The following ADCY5 variants were observed in gnomAD, a reference collection of about 807,000 sequenced individuals.
The protein encoded by ADCY5 is adenylate cyclase type 5.
ADCY5 carries 30 observed loss-of-function variants against 119.7 expected under a neutral mutation model. The ratio of observed to expected loss-of-function variants is 0.25; its 90% CI spans 0.19 to 0.34. The LOEUF (loss-of-function observed/expected upper bound fraction) is 0.34, where lower values mean the gene tolerates loss of function less well. Among genes scored for constraint, ADCY5 ranks in the 10% least tolerant of loss-of-function variants. ADCY5 has a pLI of 1.00. For synonymous variants in ADCY5, 753 were observed against 762.2 expected, an observed-to-expected ratio of 0.99 and a Z score of 0.20; for missense variants, 1,324 against 1,775.2, an observed-to-expected ratio of 0.75 and a Z score of 4.57.
intron 1 of ADCY5, among the ~76,000 whole-genome samples, chr3:123,397,678 G>GT (rs1944641604): frequency 6.6e-6 from 1 of 152,182 alleles, no homozygotes; most frequent in African/African-American, 2.4e-5. Context: ...CTAGTGTCTG[G>GT]TTTAAATCCC....
Position 123,327,663 on chromosome 3 carries a change from C to G in ADCY5, c.1902G>C (p.Glu634Asp), listed in dbSNP as rs61734561. Residue 634 changes from glutamate to aspartate, a missense_variant, in exon 7 of 21, where the codon GAG (glutamate) becomes GAC (aspartate). By Grantham distance (45) the Glu-to-Asp change is conservative (BLOSUM62 2). This residue lies in a region of ADCY5 where 424 missense variants were observed against 546.8 expected (regional missense o/e 0.78). Coordinates refer to ENST00000462833, the MANE Select transcript of ADCY5 (RefSeq NM_183357.3). ...CGGERNAYLK[E>D]HSIETFLILR... ...GGATGAGGAAGGTCTCGATACTGTG[C>G]TCCTTGAGGTAGGCGTTGCGCTCGC... is the stretch of plus-strand genomic sequence containing the variant. 6,728 of 1,614,118 alleles carry G rather than the reference C, an allele frequency of 4.2e-3. 38 individuals are homozygous for G. The highest frequency in any genetic ancestry group is 4.6e-3 in the Non-Finnish European group (5,390 of 1,180,004).
At position 123,447,731 on chromosome 3, in the gene ADCY5, G is replaced by A; in HGVS notation, c.815C>T (p.Ala272Val). 6.2e-7 allele frequency: 1 copy of A among 1,600,602 alleles called. No homozygotes were observed. The highest frequency in any genetic ancestry group is 1.3e-5 in the African/African-American group (1 of 74,692). The change falls in exon 1 of 21, where the codon GCC becomes GTC. Residue 272 changes from alanine (A) to valine (V), a missense_variant. This residue lies in a region of ADCY5 where 585 missense variants were observed against 569.9 expected (regional missense o/e 1.03). Transcript: ENST00000462833. ...CACGCCGACGGCGGCCGCCAGCACG[G>A]CCAGGTAGGGCAGCTGGAGCGGGGG... ...ARPPLQLPYL[A>V]VLAAAVGVIL... is the part of the protein sequence containing the mutation.
At chr3:123,348,311 G>A (rs1186766338) in intron 2 of ADCY5, among the ~76,000 whole-genome samples, 1 of 152,072 alleles carries the variant, frequency 6.6e-6, no homozygotes, top group Non-Finnish European at 1.5e-5. Flanking sequence ...TGGAGTTGTT[G>A]AGAGCATTAA....
chr3:123,399,649 C>T (rs993192024), intron 1 of ADCY5, among the ~76,000 whole-genome samples: 1 of 152,126 alleles, frequency 6.6e-6, no homozygotes, highest in African/African-American at 2.4e-5. Context: ...TTTTCTTTAA[C>T]CTTGATGTCT....
chr3:123,437,923 T>A (rs1011037626), intron 1 of ADCY5, among the ~76,000 whole-genome samples: 5 of 152,178 alleles, frequency 3.3e-5, no homozygotes, highest in African/African-American at 1.2e-4. Context: ...CATTCCCCAG[T>A]CCCTGCCAGC....
At position 123,441,903 on chromosome 3, in the gene ADCY5, G is replaced by T. The variant is rs148270050; in HGVS notation, c.1134+5509C>A. Among the ~76,000 whole-genome samples the T allele has an allele frequency of 8.9e-5, 13 of 146,262 alleles. No homozygotes were observed. In the East Asian group the frequency reaches 1.4e-3, roughly 16 times the overall value. On this transcript the variant is annotated intron_variant, in intron 1 of 20. Transcript: ENST00000462833. ...CATTAAGCTCACTGTCCGCTAACTA[G>T]AAACCCCCAGATTTTCTTCACAATG...
Position 123,352,564 on chromosome 3 carries a change from G to A in ADCY5, c.1152C>T (p.Leu384=), listed in dbSNP as rs1410563201. ...CCACGATGTTGGTGCAGGAGAAAAT[G>A]AGAACATTGGAGACAAGCTGCAGAG... ...FLLKQLVSNV[L]IFSCTNIVGV... Residue 384 remains leucine, a synonymous_variant, in exon 2 of 21, where the codon CTC becomes CTT. Transcript: ENST00000462833. This position sits in a 1 kb window ranked among gnomAD's most constrained non-coding sequence, Gnocchi z 4.8. 1.2e-6 allele frequency: 2 copies of A among 1,611,360 alleles called. No individual in the cohort carries two copies. Among genetic ancestry groups the A allele is most frequent in the East Asian group, 2.2e-5 (1 of 44,774 alleles).
chr3:123,315,700 C>T (rs1359525827), intron 11 of ADCY5, among the ~76,000 whole-genome samples: 1 of 152,104 alleles, frequency 6.6e-6, no homozygotes, highest in African/African-American at 2.4e-5. Context: ...CTCAGCTTCC[C>T]GAGTAGCTGG....
intron 12 of ADCY5, among the ~76,000 whole-genome samples, chr3:123,308,347 C>T (rs1033117473): frequency 4.6e-5 from 7 of 152,022 alleles, no homozygotes; most frequent in East Asian, 1.9e-4. Flanking sequence ...ACACTCTACA[C>T]TCTTTAAAAA....
intron 1 of ADCY5, among the ~76,000 whole-genome samples, chr3:123,373,470 C>G (rs1943704766): frequency 1.3e-5 from 2 of 152,200 alleles, no homozygotes; most frequent in Non-Finnish European, 2.9e-5. Flanking sequence ...CAAAACAGAA[C>G]TGGAAGGATG....
chr3:123,318,847 G>A (rs747309899), intron 10 of ADCY5, among the ~76,000 whole-genome samples: 1 of 152,096 alleles, frequency 6.6e-6, no homozygotes, highest in Non-Finnish European at 1.5e-5. Context: ...CTGGGGGGCC[G>A]AAAGCAGGTC....
chr3:123,342,707 C>T (rs1483420518), intron 3 of ADCY5, among the ~76,000 whole-genome samples: 2 of 151,226 alleles, frequency 1.3e-5, no homozygotes, highest in Admixed American at 6.6e-5. Flanking sequence ...CCAACACCTA[C>T]GACCTTTAAA....
chr3:123,350,309 G>A (rs574708975), intron 2 of ADCY5, among the ~76,000 whole-genome samples: 2 of 152,298 alleles, frequency 1.3e-5, no homozygotes, highest in East Asian at 3.9e-4. Context: ...ACAGCCCAGA[G>A]CCTTATGCTC....
intron 15 of ADCY5, among the ~76,000 whole-genome samples, chr3:123,298,126 A>AGTAGCTG (rs1939632655): frequency 6.6e-6 from 1 of 151,988 alleles, no homozygotes; most frequent in Admixed American, 6.6e-5. Context: ...CAGCCTCCCA[A>AGTAGCTG]GTAGCTGGGA....
At chr3:123,313,854 C>T (rs1940729382) in intron 12 of ADCY5, among the ~76,000 whole-genome samples, 1 of 152,312 alleles carries the variant, frequency 6.6e-6, no homozygotes, top group South Asian at 2.1e-4. Context: ...AAGCGGGTGT[C>T]GAGAGAGACC....
At chr3:123,297,200 A>T in intron 16 of ADCY5, 153 bp downstream of exon 16, 1 of 1,354,842 alleles carries the variant, frequency 7.4e-7, no homozygotes, top group Non-Finnish European at 1.0e-6. Flanking sequence ...ACGCCTTGCT[A>T]CCCCAGGAGG....
At chr3:123,442,740 A>G (rs1457556769) in intron 1 of ADCY5, among the ~76,000 whole-genome samples, 1 of 152,178 alleles carries the variant, frequency 6.6e-6, no homozygotes, top group Non-Finnish European at 1.5e-5. Context: ...CCCAGGGATC[A>G]AGGCACTCTA....
chr3:123,398,408 C>T (rs983859241), intron 1 of ADCY5, among the ~76,000 whole-genome samples: 4 of 152,110 alleles, frequency 2.6e-5, no homozygotes, highest in East Asian at 3.9e-4. Flanking sequence ...GGATCCTGAA[C>T]GGGGCTTGGT....
chr3:123,405,041 G>T (rs1944865867), intron 1 of ADCY5, among the ~76,000 whole-genome samples: 1 of 152,252 alleles, frequency 6.6e-6, no homozygotes, highest in Non-Finnish European at 1.5e-5. Flanking sequence ...TGCTGGAATG[G>T]TAGGGCGATG....
Sources: allele counts gnomAD v4.1 joint callset (sites outside exome capture counted in the v4.1 genomes callset), GRCh38; gene constraint gnomAD v4.1.1; regional missense constraint gnomAD v4.1.1; non-coding constraint Gnocchi (gnomAD v3.1); transcripts MANE v1.5; gene names NCBI Gene and HGNC (gene_info 2026-07-23, HGNC 2026-07-21).